Variants in DPY19L3 observed in about 807,000 individuals in gnomAD.
The protein encoded by DPY19L3 is protein C-mannosyl-transferase DPY19L3.
Under a neutral mutation model 92.3 loss-of-function variants are expected in DPY19L3, and 51 were observed. That is an observed-to-expected ratio of 0.55 (90% CI 0.44 to 0.70). The LOEUF is 0.70. Ranked by LOEUF, DPY19L3 falls within the 30% of genes least tolerant of loss-of-function variation. The pLI, the probability that DPY19L3 is intolerant of heterozygous loss-of-function variation, is 0.00. For missense variants in DPY19L3, 706 were observed against 855.9 expected, an observed-to-expected ratio of 0.82 and a Z score of 2.18; for synonymous variants, 309 against 315.2, an observed-to-expected ratio of 0.98 and a Z score of 0.21.
rs1432049716 is a variant in DPY19L3 at position 32,426,514 on chromosome 19, G to A, written c.238-6202G>A. On this transcript the variant is annotated intron_variant, in intron 3 of 18. Transcript: ENST00000392250. ...CTCTAGCTTTCCATTTAAAGTGAGAGATGTGCCACACTTCCTTTCGACGCT... is the reference window on the plus strand; with the variant it reads ...CTCTAGCTTTCCATTTAAAGTGAGAAATGTGCCACACTTCCTTTCGACGCT... Among the ~76,000 whole-genome samples the A allele has an allele frequency of 2.6e-5, 4 of 152,186 alleles. No individual in the cohort carries two copies. In the East Asian group the frequency reaches 7.7e-4, roughly 29 times the overall value.
rs1033356720 is a variant in DPY19L3 at position 32,480,231 on chromosome 19, C to T, written c.1831-168C>T. On this transcript the variant is annotated intron_variant, in intron 17 of 18. Coordinates refer to ENST00000392250, the MANE Select transcript of DPY19L3 (RefSeq NM_001172774.2). ...ACTCACAGCGTTCTGGGAACTTCCA[C>T]GCACACACTCCAGGCCTGCAAATGA... Among the ~76,000 whole-genome samples the T allele has an allele frequency of 1.5e-4, 23 of 152,336 alleles. No homozygotes were observed. In the South Asian group the frequency reaches 2.9e-3, roughly 19 times the overall value.
Position 32,481,933 on chromosome 19 carries a change from A to G in DPY19L3, c.1990-146A>G, listed in dbSNP as rs1186519063. 7 of 870,510 alleles carry G rather than the reference A, an allele frequency of 8.0e-6. No individual in the cohort carries two copies. In the East Asian group the frequency reaches 1.3e-4, roughly 16 times the overall value. The allele number at this position is 870,510 out of a possible 1,614,324, so 53.9% of individuals were successfully genotyped here. A position where few individuals can be genotyped will look rare whatever the true frequency, so the allele number is the denominator to read the frequency against. ...AAGGGGGAAAAGGATGGCCCTGATGATCTCCAGGTGCCCATGGACATTGAA... is the reference window on the plus strand; with the variant it reads ...AAGGGGGAAAAGGATGGCCCTGATGGTCTCCAGGTGCCCATGGACATTGAA... On this transcript the variant is annotated intron_variant, in intron 18 of 18. Transcript: ENST00000392250.
chr19:32,446,292 G>C (rs1324012430), intron 8 of DPY19L3, among the ~76,000 whole-genome samples: 1 of 151,944 alleles, frequency 6.6e-6, no homozygotes, highest in African/African-American at 2.4e-5. Flanking sequence ...AAAATGTTCA[G>C]GTAACCTACA....
chr19:32,439,579 C>T (rs1441973684), intron 7 of DPY19L3, among the ~76,000 whole-genome samples, 197 bp from the exon 8 acceptor site: 1 of 152,070 alleles, frequency 6.6e-6, no homozygotes, highest in African/African-American at 2.4e-5. Context: ...ATACACACAC[C>T]GTATGTGAAT....
At chr19:32,451,064 G>A (rs889039517) in intron 8 of DPY19L3, among the ~76,000 whole-genome samples, 7 of 152,192 alleles carry the variant, frequency 4.6e-5, no homozygotes, top group Admixed American at 3.3e-4. Flanking sequence ...CAGACAATTC[G>A]GTTAGGAATT....
intron 15 of DPY19L3, among the ~76,000 whole-genome samples, chr19:32,466,516 G>A (rs1038875211): frequency 6.6e-6 from 1 of 152,180 alleles, no homozygotes; most frequent in Non-Finnish European, 1.5e-5. Flanking sequence ...GCCTCTGCCC[G>A]CTCATTGAAG....
intron 8 of DPY19L3, among the ~76,000 whole-genome samples, chr19:32,447,775 A>AGATAGATAGATTGATTGATT (rs1237623603): frequency 7.9e-6 from 1 of 126,942 alleles, no homozygotes; most frequent in Admixed American, 7.8e-5. Flanking sequence ...ATAGATAGAT[A>AGATAGATAGATTGATTGATT]GATTAGATAA....
intron 8 of DPY19L3, among the ~76,000 whole-genome samples, chr19:32,442,989 G>A (rs942528721): frequency 6.6e-6 from 1 of 152,180 alleles, no homozygotes. Flanking sequence ...CTCACTCAGT[G>A]GTAATGAGAC....
In DPY19L3 at chr19:32,450,016, C is replaced by A. The variant is rs538859279; in HGVS notation, c.856-3129C>A. The stretch of plus-strand genomic sequence containing the variant: ...GAATATTTGCAATCATATATCTGAT[C>A]AGGAACTCCCAGAATATATGAAGAA... On this transcript the variant is annotated intron_variant, in intron 8 of 18. Coordinates refer to ENST00000392250, the MANE Select transcript of DPY19L3 (RefSeq NM_001172774.2). Among the ~76,000 whole-genome samples the A allele has an allele frequency of 1.9e-3, 69 of 35,558 alleles. 1 individual carries two copies. The highest frequency in any genetic ancestry group is 2.9e-3 in the Non-Finnish European group (63 of 21,808). 23.3% of individuals were successfully genotyped at this position (35,558 alleles called of 152,430 possible).
At chr19:32,473,518 TC>T (rs1970415565) in intron 16 of DPY19L3, among the ~76,000 whole-genome samples, 2 of 152,246 alleles carry the variant, frequency 1.3e-5, no homozygotes, top group Admixed American at 1.3e-4. Context: ...GGATCCCTTC[TC>T]CCTTTGCCTG....
At chr19:32,457,798 C>T (rs1969913267) in intron 10 of DPY19L3, among the ~76,000 whole-genome samples, 1 of 152,190 alleles carries the variant, frequency 6.6e-6, no homozygotes, top group Non-Finnish European at 1.5e-5. Context: ...TATGCCTCAG[C>T]CTTCTCCCTC....
At chr19:32,414,424 A>AAAAAAC (rs1568323663) in intron 3 of DPY19L3, among the ~76,000 whole-genome samples, 1 of 151,008 alleles carries the variant, frequency 6.6e-6, no homozygotes, top group Non-Finnish European at 1.5e-5. Context: ...CCAAAAAAAA[A>AAAAAAC]AAACAAACAA....
At chr19:32,449,866 A>T (rs959941409) in intron 8 of DPY19L3, among the ~76,000 whole-genome samples, 11 of 152,218 alleles carry the variant, frequency 7.2e-5, no homozygotes, top group African/African-American at 2.7e-4. Context: ...CAAACCTTAG[A>T]TACAATACCA....
chr19:32,448,749 A>G (rs75691158), intron 8 of DPY19L3, among the ~76,000 whole-genome samples: 5,177 of 152,258 alleles, frequency 0.034, 353 homozygotes, highest in Admixed American at 0.17. Context: ...AAATCTATGT[A>G]TAATTGGACT....
intron 15 of DPY19L3, chr19:32,467,405 T>G (rs2145609956): frequency 1.0e-6 from 1 of 981,960 alleles, no homozygotes; most frequent in Non-Finnish European, 1.2e-6. Flanking sequence ...TAAGGAAACA[T>G]AGATCATTGA....
intron 9 of DPY19L3, among the ~76,000 whole-genome samples, chr19:32,453,753 C>T (rs1379039526): frequency 6.6e-6 from 1 of 152,082 alleles, no homozygotes; most frequent in Non-Finnish European, 1.5e-5. Flanking sequence ...TTAAAATTAA[C>T]TGTTTTGAGA....
chr19:32,477,453 T>C (rs539779147), intron 16 of DPY19L3, 69 bp from the exon 17 acceptor site: 108 of 1,582,974 alleles, frequency 6.8e-5, no homozygotes, highest in Middle Eastern at 1.7e-4. Context: ...AAAAGTTTGA[T>C]ATTGTCTTCT....
chr19:32,447,745 AT>A, intron 8 of DPY19L3, among the ~76,000 whole-genome samples: 1 of 148,640 alleles, frequency 6.7e-6, no homozygotes, highest in Non-Finnish European at 1.5e-5. Flanking sequence ...AGATAGATAG[AT>A]AGATAGATAG....
intron 8 of DPY19L3, among the ~76,000 whole-genome samples, chr19:32,441,840 T>C (rs1054328725): frequency 1.3e-5 from 2 of 152,218 alleles, no homozygotes; most frequent in African/African-American, 2.4e-5. Context: ...AGGTACTGTT[T>C]TGGCTCACAT....
Sources: gnomAD v4.1 joint callset for allele counts (sites outside exome capture counted in the v4.1 genomes callset) on GRCh38, gnomAD v4.1.1 for gene constraint, MANE v1.5 for transcripts, NCBI Gene and HGNC (gene_info 2026-07-23, HGNC 2026-07-21) for gene names.